KIAA1328: variants seen among roughly 807,000 people sequenced by gnomAD.
The protein encoded by KIAA1328 is protein hinderin.
In KIAA1328, 52 loss-of-function variants were observed where a neutral mutation model predicts 68.1. The ratio of observed to expected loss-of-function variants is 0.76; its 90% CI spans 0.61 to 0.96. The LOEUF is 0.96. Among genes scored for constraint, KIAA1328 ranks in the 40% least tolerant of loss-of-function variants. KIAA1328 has a pLI of 0.00. For missense variants in KIAA1328, 641 were observed against 677.6 expected (o/e 0.95, Z 0.60); for synonymous variants, 232 against 239.4 (o/e 0.97, Z 0.28).
intron 4 of KIAA1328, among the ~76,000 whole-genome samples, chr18:36,873,144 C>G (rs2048003282): frequency 6.6e-6 from 1 of 152,144 alleles, no homozygotes; most frequent in Non-Finnish European, 1.5e-5. Context: ...AGTCCTGGCT[C>G]ATTTTGGTTT....
chr18:36,878,511 G>A (rs1395872356), intron 4 of KIAA1328, among the ~76,000 whole-genome samples: 2 of 152,094 alleles, frequency 1.3e-5, no homozygotes, highest in African/African-American at 4.8e-5. Flanking sequence ...TCTTCTCGAG[G>A]AATATCTTTG....
At chr18:36,939,465 T>C (rs1211136220) in intron 5 of KIAA1328, among the ~76,000 whole-genome samples, 1 of 152,168 alleles carries the variant, frequency 6.6e-6, no homozygotes, top group African/African-American at 2.4e-5. Context: ...TTGACTGAAT[T>C]CATTTATCAG....
At chr18:37,089,690 A>G (rs1387076884) in intron 7 of KIAA1328, among the ~76,000 whole-genome samples, 2 of 152,138 alleles carry the variant, frequency 1.3e-5, no homozygotes, top group Non-Finnish European at 2.9e-5. Flanking sequence ...GTGGCTTTTT[A>G]TATCATCCAA....
chr18:36,922,662 G>A (rs1350700029), intron 5 of KIAA1328, among the ~76,000 whole-genome samples: 1 of 152,046 alleles, frequency 6.6e-6, no homozygotes, highest in Non-Finnish European at 1.5e-5. Flanking sequence ...TTTAGACCTG[G>A]ACAGATAATT....
At chr18:37,080,542 C>T (rs898037936) in intron 7 of KIAA1328, among the ~76,000 whole-genome samples, 16 of 151,962 alleles carry the variant, frequency 1.1e-4, no homozygotes, top group Admixed American at 5.2e-4. Context: ...TTTGGGAGGC[C>T]GAGGCGGGTG....
chr18:36,939,611 T>C (rs964236483), intron 5 of KIAA1328, among the ~76,000 whole-genome samples: 7 of 152,160 alleles, frequency 4.6e-5, no homozygotes, highest in South Asian at 2.1e-4. Context: ...GCTCTGGCTA[T>C]AACTTCCAGC....
At chr18:37,181,187 TA>T (rs1462878363) in intron 9 of KIAA1328, among the ~76,000 whole-genome samples, 1 of 152,010 alleles carries the variant, frequency 6.6e-6, no homozygotes, top group Admixed American at 6.6e-5. Context: ...TTGTAAATAA[TA>T]AAATTAAAAC....
chr18:37,078,918 G>A (rs2151788593), intron 7 of KIAA1328, among the ~76,000 whole-genome samples: 1 of 151,990 alleles, frequency 6.6e-6, no homozygotes, highest in Middle Eastern at 3.4e-3. Flanking sequence ...GGAGGTCAGT[G>A]TGGCGATTCC....
chr18:36,885,955 G>A, intron 5 of KIAA1328: 2 of 372,868 alleles, frequency 5.4e-6, no homozygotes, highest in Non-Finnish European at 9.5e-6. Flanking sequence ...GACCTCAGGT[G>A]ATCTGCCTGC....
intron 7 of KIAA1328, among the ~76,000 whole-genome samples, chr18:37,070,113 C>T (rs544163961): frequency 6.5e-4 from 99 of 152,196 alleles, no homozygotes; most frequent in African/African-American, 2.4e-3. Context: ...TATTTAGTTT[C>T]CAAGTTCTTA....
intron 6 of KIAA1328, among the ~76,000 whole-genome samples, chr18:37,051,239 A>G (rs1033994872): frequency 1.3e-5 from 2 of 152,096 alleles, no homozygotes; most frequent in Non-Finnish European, 2.9e-5. Context: ...GAGCAAAAAA[A>G]AAAACATATA....
chr18:37,160,048 G>A (rs539168799), intron 7 of KIAA1328, among the ~76,000 whole-genome samples, 152 bp from the exon 8 acceptor site: 21 of 152,228 alleles, frequency 1.4e-4, no homozygotes, highest in African/African-American at 3.6e-4. Context: ...CAAAATAGAC[G>A]TTGAGTAAAT....
rs542942426 is a variant in KIAA1328, at chr18:37,197,202, G to A, written c.1523+24121G>A. Among the ~76,000 whole-genome samples the A allele has an allele frequency of 3.3e-5, 5 of 151,592 alleles. No homozygotes were observed. In the South Asian group the frequency reaches 1.0e-3, roughly 32 times the overall value. ...TTCATCTCTGCTTTTATTTATTTAG[G>A]TCTTTTCTCTTTTTTTCTTAATCTA... On this transcript the variant is annotated intron_variant, in intron 9 of 9. Coordinates refer to ENST00000280020, the MANE Select transcript of KIAA1328 (RefSeq NM_020776.3).
At chr18:37,229,644 G>T, downstream of KIAA1328, 4 of 961,432 alleles carry the variant, frequency 4.2e-6, no homozygotes, top group Non-Finnish European at 5.7e-6. Flanking sequence ...GGAGGCCGAG[G>T]CAGCCGGATC....
At chr18:36,839,197 G>A (rs2046779162) in intron 3 of KIAA1328, among the ~76,000 whole-genome samples, 1 of 152,030 alleles carries the variant, frequency 6.6e-6, no homozygotes, top group Admixed American at 6.6e-5. Context: ...ACAAATACTA[G>A]GCCTCTTGAA....
intron 4 of KIAA1328, among the ~76,000 whole-genome samples, chr18:36,877,103 G>T (rs145821129): frequency 6.6e-6 from 1 of 152,094 alleles, no homozygotes; most frequent in South Asian, 2.1e-4. Context: ...CAATTATGTG[G>T]TCAATTTTAG....
intron 9 of KIAA1328, among the ~76,000 whole-genome samples, chr18:37,208,215 G>A (rs1175433330): frequency 6.6e-6 from 1 of 152,120 alleles, no homozygotes; most frequent in Non-Finnish European, 1.5e-5. Flanking sequence ...GGTCTGGTGA[G>A]ACCAGCAGGC....
At chr18:36,925,129 T>A (rs2050065715) in intron 5 of KIAA1328, 1 of 152,226 alleles carries the variant, frequency 6.6e-6, no homozygotes. Context: ...TGAGAGAAAG[T>A]ATTTTGTAAA....
chr18:36,970,927 C>T (rs1195261963), intron 6 of KIAA1328, among the ~76,000 whole-genome samples: 1 of 152,174 alleles, frequency 6.6e-6, no homozygotes, highest in Non-Finnish European at 1.5e-5. Flanking sequence ...CATTGACTTT[C>T]TTCACAGAAT....
Sources: gnomAD v4.1 joint callset for allele counts (sites outside exome capture counted in the v4.1 genomes callset) on GRCh38, gnomAD v4.1.1 for gene constraint, MANE v1.5 for transcripts, NCBI Gene and HGNC (gene_info 2026-07-23, HGNC 2026-07-21) for gene names.